PRKCZ: variants seen among roughly 807,000 people sequenced by gnomAD.
The protein encoded by PRKCZ is protein kinase C zeta type.
Under a neutral mutation model 79.5 loss-of-function variants are expected in PRKCZ, and 33 were observed. The observed-to-expected ratio is 0.41, with a 90% CI of 0.31 to 0.55. The LOEUF is 0.55. PRKCZ is among the 20% of genes least tolerant of loss of function. The probability of loss-of-function intolerance (pLI) is 0.19; values close to 1 mark genes in which losing one functional copy is unlikely to be tolerated. For synonymous variants in PRKCZ, 342 were observed against 320.9 expected, an observed-to-expected ratio of 1.07 and a Z score of -0.70; for missense variants, 578 against 813.5, an observed-to-expected ratio of 0.71 and a Z score of 3.52.
At chr1:2,071,051 C>CACCTGGGCGTGCG (rs1553132347) in intron 4 of PRKCZ, among the ~76,000 whole-genome samples, 11 of 151,682 alleles carry the variant, frequency 7.3e-5, no homozygotes, top group Admixed American at 6.6e-5. Flanking sequence ...GCAGCCAGTA[C>CACCTGGGCGTGCG]ACCTGGGCGT....
chr1:2,051,881 C>G (rs1358117440), intron 1 of PRKCZ, among the ~76,000 whole-genome samples: 2 of 152,138 alleles, frequency 1.3e-5, no homozygotes, highest in Non-Finnish European at 2.9e-5. Flanking sequence ...TCTGCAGCTC[C>G]CCTGTGGCAA....
chr1:2,105,430 C>G (rs1253609748), intron 4 of PRKCZ, among the ~76,000 whole-genome samples: 5 of 152,208 alleles, frequency 3.3e-5, no homozygotes, highest in Non-Finnish European at 7.3e-5. Context: ...GAGACAGTCT[C>G]ACTCTTTTGC....
chr1:2,162,089 T>G lies in PRKCZ; in HGVS notation c.974+5997T>G, dbSNP rs572100158. On this transcript the variant is annotated intron_variant, in intron 10 of 17. Transcript: ENST00000378567. The stretch of plus-strand genomic sequence containing the variant: ...CTTGTTTATTTTTCCATGTGGACTT[T>G]ATAATCAACCCGTCTGCCTCCAGAA... Among the ~76,000 whole-genome samples the G allele has an allele frequency of 2.6e-3, 402 of 152,290 alleles. 2 individuals are homozygous for G. The highest frequency in any genetic ancestry group is 9.2e-3 in the African/African-American group (382 of 41,548).
chr1:2,074,539 T>C lies in PRKCZ; in HGVS notation c.334+14948T>C, dbSNP rs1433057746. 17 of 581,172 alleles carry C rather than the reference T, an allele frequency of 2.9e-5. No individual in the cohort carries two copies. The East Asian group carries it at 4.9e-4, about 17-fold the overall frequency. The allele number at this position is 581,172 out of a possible 1,614,324, so 36.0% of individuals were successfully genotyped here. A position where few individuals can be genotyped will look rare whatever the true frequency, so the allele number is the denominator to read the frequency against. ...ACGGGTGAAGTCTGGAGACCCCAGGTGCCAGGGCTGGTAGTGGTAACAGCC... is the reference window on the plus strand; with the variant it reads ...ACGGGTGAAGTCTGGAGACCCCAGGCGCCAGGGCTGGTAGTGGTAACAGCC... On this transcript the variant is annotated intron_variant, in intron 4 of 17. Coordinates refer to ENST00000378567, the MANE Select transcript of PRKCZ (RefSeq NM_002744.6).
intron 4 of PRKCZ, among the ~76,000 whole-genome samples, chr1:2,093,345 G>A (rs550007047): frequency 1.3e-5 from 2 of 152,256 alleles, no homozygotes; most frequent in East Asian, 3.9e-4. Flanking sequence ...GGCGGCTAGT[G>A]TCCTCTGGCC....
In PRKCZ at chr1:2,117,998, C is replaced by CTTTTTTTTTTTT. The variant is rs1553152756; in HGVS notation, c.335-17259_335-17248dup. On this transcript the variant is annotated intron_variant, in intron 4 of 17. Coordinates refer to ENST00000378567, the MANE Select transcript of PRKCZ (RefSeq NM_002744.6). ...TATGAGAGAGATTAGCCTATTATTT[C>CTTTTTTTTTTTT]TTTTTTTTTTTTTTTTGGAGTCTCA... Among the ~76,000 whole-genome samples the CTTTTTTTTTTTT allele has an allele frequency of 1.3e-3, 85 of 65,084 alleles. 7 individuals are homozygous for CTTTTTTTTTTTT. The highest frequency in any genetic ancestry group is 2.9e-3 in the East Asian group (5 of 1,724). The allele number at this position is 65,084 out of a possible 152,430, so 42.7% of individuals were successfully genotyped here. A position where few individuals can be genotyped will look rare whatever the true frequency, so the allele number is the denominator to read the frequency against.
intron 4 of PRKCZ, among the ~76,000 whole-genome samples, chr1:2,070,514 A>C (rs1661479297): frequency 6.6e-6 from 1 of 152,150 alleles, no homozygotes; most frequent in African/African-American, 2.4e-5. Context: ...GGCCATTTCT[A>C]CTTGGCAAGC....
intron 4 of PRKCZ, among the ~76,000 whole-genome samples, chr1:2,076,263 A>G (rs1662399061): frequency 1.3e-5 from 2 of 151,892 alleles, no homozygotes; most frequent in Middle Eastern, 6.8e-3. Flanking sequence ...GCGCCCACTC[A>G]CTCCCTGGCC....
intron 4 of PRKCZ, among the ~76,000 whole-genome samples, chr1:2,104,341 C>G (rs904146064): frequency 3.9e-5 from 6 of 152,168 alleles, no homozygotes; most frequent in African/African-American, 1.4e-4. Context: ...CCTAGCCCCA[C>G]GGGCTGAGGG....
At chr1:2,184,419 A>G in intron 16 of PRKCZ, 164 bp from the exon 17 acceptor site, 3 of 586,198 alleles carry the variant, frequency 5.1e-6, no homozygotes, top group South Asian at 4.3e-5. Flanking sequence ...GATATTTTCT[A>G]GATTTTGTGT....
intron 11 of PRKCZ, among the ~76,000 whole-genome samples, chr1:2,171,146 C>T (rs916319636): frequency 6.6e-6 from 1 of 151,844 alleles, no homozygotes. Context: ...CTGGCTAACA[C>T]GGTGAAATAA....
At chr1:2,099,254 T>G (rs1365621835) in intron 4 of PRKCZ, among the ~76,000 whole-genome samples, 1 of 152,196 alleles carries the variant, frequency 6.6e-6, no homozygotes. Context: ...GAATTTTCAG[T>G]GCGATGCAGC....
In PRKCZ at chr1:2,173,683, C is replaced by T. The variant is rs534911870; in HGVS notation, c.1286-214C>T. Among the ~76,000 whole-genome samples the T allele has an allele frequency of 3.9e-5, 6 of 152,330 alleles. No individual in the cohort carries two copies. Among genetic ancestry groups the T allele is most frequent in the African/African-American group, 1.4e-4 (6 of 41,578 alleles). ...ACAGCCCAGAGGCAGCCTGGGAGAC[C>T]TCCGTAGTGTCAGGGACGGTGGCAG... On this transcript the variant is annotated intron_variant, in intron 13 of 17. Transcript: ENST00000378567. The surrounding 1 kb of genome is among the most constrained non-coding windows in gnomAD (Gnocchi z 5.7).
chr1:2,129,264 G>T (rs537337006), intron 4 of PRKCZ, among the ~76,000 whole-genome samples: 1 of 152,192 alleles, frequency 6.6e-6, no homozygotes, highest in African/African-American at 2.4e-5. Context: ...TTCAAGGCAG[G>T]TGCTCCTTTG....
chr1:2,103,667 G>A (rs373224614), intron 4 of PRKCZ, among the ~76,000 whole-genome samples: 15 of 152,236 alleles, frequency 9.9e-5, no homozygotes, highest in South Asian at 2.1e-4. Flanking sequence ...CCAGGAGGTC[G>A]AGGCTGCAGG....
chr1:2,068,209 T>C (rs922552966), intron 4 of PRKCZ, among the ~76,000 whole-genome samples: 2 of 152,130 alleles, frequency 1.3e-5, no homozygotes, highest in Non-Finnish European at 2.9e-5. Context: ...AGAGCATCGC[T>C]AGGGAGGGGT....
intron 4 of PRKCZ, among the ~76,000 whole-genome samples, chr1:2,076,745 A>G (rs867484020): frequency 4.8e-4 from 73 of 150,948 alleles, no homozygotes; most frequent in Middle Eastern, 6.8e-3. Flanking sequence ...CCATCTTGAA[A>G]AAAAAAAAAA....
intron 4 of PRKCZ, among the ~76,000 whole-genome samples, chr1:2,131,777 GAAC>G (rs1296643859): frequency 6.6e-6 from 1 of 152,188 alleles, no homozygotes; most frequent in African/African-American, 2.4e-5. Context: ...TTGCTTACTG[GAAC>G]ATTTTTGTCA....
chr1:2,146,252 C>T lies in PRKCZ; in HGVS notation c.634+144C>T, dbSNP rs1055086329. The T allele has an allele frequency of 6.3e-6, 5 of 792,364 alleles. No homozygotes were observed. In the African/African-American group the frequency reaches 8.6e-5, roughly 14 times the overall value. 49.1% of individuals were successfully genotyped at this position (792,364 alleles called of 1,614,324 possible). On this transcript the variant is annotated intron_variant, in intron 7 of 17. Coordinates refer to ENST00000378567, the MANE Select transcript of PRKCZ (RefSeq NM_002744.6). The stretch of plus-strand genomic sequence containing the variant: ...CAAGCCTGGCCACCCTTCCCTGGGG[C>T]TGGGGATGAGGCTCTCCAGGGCCTC...
Sources: gnomAD v4.1 joint callset for allele counts (sites outside exome capture counted in the v4.1 genomes callset) on GRCh38, gnomAD v4.1.1 for gene constraint, Gnocchi (gnomAD v3.1) non-coding constraint, MANE v1.5 for transcripts, NCBI Gene and HGNC (gene_info 2026-07-23, HGNC 2026-07-21) for gene names.